The following SAE1 variants were observed in gnomAD, a reference collection of about 807,000 sequenced individuals.
The protein encoded by SAE1 is SUMO1 activating enzyme subunit 1, also known as SUMO-activating enzyme subunit 1.
Under a neutral mutation model 40.6 loss-of-function variants are expected in SAE1, and 11 were observed. The observed-to-expected ratio is 0.27, with a 90% CI of 0.17 to 0.45. The LOEUF (loss-of-function observed/expected upper bound fraction) is 0.45. Ranked by LOEUF, SAE1 falls within the 20% of genes least tolerant of loss-of-function variation. SAE1 has a pLI of 1.00. For synonymous variants in SAE1, 155 were observed against 154.3 expected (o/e 1.00, Z -0.03); for missense variants, 373 against 427.3 (o/e 0.87, Z 1.12).
intron 5 of SAE1, among the ~76,000 whole-genome samples, chr19:47,166,499 C>G (rs1207867101): frequency 6.6e-6 from 1 of 152,120 alleles, no homozygotes; most frequent in Non-Finnish European, 1.5e-5. Context: ...GCCCCAGGCC[C>G]TGAAAGTGTT....
intron 6 of SAE1, among the ~76,000 whole-genome samples, chr19:47,180,477 A>G (rs1336066300): frequency 1.3e-5 from 2 of 152,212 alleles, no homozygotes; most frequent in Non-Finnish European, 2.9e-5. Flanking sequence ...ATCAAGAATC[A>G]AAGTGCTAAA....
intron 6 of SAE1, among the ~76,000 whole-genome samples, chr19:47,182,517 GCACA>G (rs1169487701): frequency 6.6e-6 from 1 of 150,762 alleles, no homozygotes; most frequent in Non-Finnish European, 1.5e-5. Flanking sequence ...ACGCGCGCGC[GCACA>G]CCACTGCCTT....
chr19:47,197,481 A>T, intron 7 of SAE1, 104 bp downstream of exon 7: 4 of 939,656 alleles, frequency 4.3e-6, no homozygotes, highest in Non-Finnish European at 6.3e-6. Flanking sequence ...TTCAGAGAGC[A>T]CCCTGCCACA....
chr19:47,199,090 A>G (rs1286029107), intron 7 of SAE1, among the ~76,000 whole-genome samples: 1 of 150,336 alleles, frequency 6.7e-6, no homozygotes, highest in Non-Finnish European at 1.5e-5. Context: ...CCGTGTCTCA[A>G]TACATATAGC....
chr19:47,150,864 A>C (rs1479158097), intron 3 of SAE1, among the ~76,000 whole-genome samples: 1 of 152,206 alleles, frequency 6.6e-6, no homozygotes, highest in East Asian at 1.9e-4. Context: ...TCACAGTCAC[A>C]TTGACCATGT....
intron 2 of SAE1, among the ~76,000 whole-genome samples, chr19:47,146,962 A>G (rs1475590390): frequency 2.0e-5 from 3 of 152,208 alleles, no homozygotes; most frequent in Non-Finnish European, 4.4e-5. Context: ...AATCTGCACC[A>G]GAAAGAGTGA....
chr19:47,188,535 A>G (rs1477568623), intron 6 of SAE1, among the ~76,000 whole-genome samples: 2 of 152,318 alleles, frequency 1.3e-5, no homozygotes, highest in African/African-American at 2.4e-5. Context: ...CAGCAAGTGT[A>G]TCGGCTTTTC....
Position 47,199,934 on chromosome 19 carries a change from C to CT in SAE1, c.878+2570dup, listed in dbSNP as rs760362409. Among the ~76,000 whole-genome samples the CT allele has an allele frequency of 5.9e-3, 838 of 142,484 alleles. 5 individuals are homozygous for CT. The highest frequency in any genetic ancestry group is 0.016 in the African/African-American group (623 of 39,130). The allele number at this position is 142,484 out of a possible 152,430, so 93.5% of individuals were successfully genotyped here. Reference sequence around the variant, plus strand: ...ACTGCTGCCTATGTTTAGATGATGGCTTTTTTTTTTTTTGGAGACAGAGTC... The same window carrying CT: ...ACTGCTGCCTATGTTTAGATGATGGCTTTTTTTTTTTTTTGGAGACAGAGTC... On this transcript the variant is annotated intron_variant, in intron 7 of 8. Coordinates refer to ENST00000270225, the MANE Select transcript of SAE1 (RefSeq NM_005500.3).
chr19:47,164,383 G>A (rs1413341021), intron 5 of SAE1, among the ~76,000 whole-genome samples: 1 of 151,748 alleles, frequency 6.6e-6, no homozygotes, highest in Non-Finnish European at 1.5e-5. Context: ...TAGCTAGGAT[G>A]GTCTCCATCT....
intron 2 of SAE1, among the ~76,000 whole-genome samples, chr19:47,144,675 G>A (rs1296773158): frequency 6.6e-6 from 1 of 152,024 alleles, no homozygotes; most frequent in Non-Finnish European, 1.5e-5. Context: ...CTCCAGCCTT[G>A]GCAACAGAGT....
chr19:47,148,602 C>T (rs2123203890), intron 2 of SAE1, among the ~76,000 whole-genome samples: 1 of 151,738 alleles, frequency 6.6e-6, no homozygotes, highest in African/African-American at 2.4e-5. Context: ...ACTCATCTCT[C>T]CACCTCTCTG....
intron 6 of SAE1, among the ~76,000 whole-genome samples, chr19:47,173,385 C>T (rs2058447425): frequency 2.0e-5 from 3 of 152,290 alleles, no homozygotes; most frequent in Non-Finnish European, 4.4e-5. Flanking sequence ...GTCCACCCCT[C>T]CAACCCCGTA....
chr19:47,210,233 A>G lies in SAE1; in HGVS notation c.*982A>G, dbSNP rs1216647266. The G allele has an allele frequency of 6.6e-6, 1 of 152,190 alleles. No individual in the cohort carries two copies. Among genetic ancestry groups the G allele is most frequent in the African/African-American group, 2.4e-5 (1 of 41,446 alleles). The allele number at this position is 152,190 out of a possible 1,614,324, so 9.4% of individuals were successfully genotyped here. On this transcript the variant is annotated 3_prime_UTR_variant, in exon 9 of 9. Transcript: ENST00000270225. ...CCACTTCAGAAGCTTCTGAGAGGGA[A>G]TGGGATGATCCTACCAGTTGCCTTT...
intron 2 of SAE1, among the ~76,000 whole-genome samples, chr19:47,145,835 G>A (rs1030572371): frequency 1.3e-5 from 2 of 151,894 alleles, no homozygotes; most frequent in Admixed American, 1.3e-4. Context: ...GTATTATGTA[G>A]TTTACATTCA....
chr19:47,158,662 G>A lies in SAE1; in HGVS notation c.627+3449G>A, dbSNP rs564586839. 2.6e-5 allele frequency among the ~76,000 whole-genome samples: 4 copies of A among 152,344 alleles called. 1 individual carries two copies. In the East Asian group the frequency reaches 7.7e-4, roughly 29 times the overall value. The stretch of plus-strand genomic sequence containing the variant: ...AGTTGCTGTGGCTGCCCTCACTGCC[G>A]CAGCCAGCTCCTTCCATGAGTTGCA... On this transcript the variant is annotated intron_variant, in intron 5 of 8. Coordinates refer to ENST00000270225, the MANE Select transcript of SAE1 (RefSeq NM_005500.3).
At chr19:47,178,933 C>T (rs2058487080) in intron 6 of SAE1, among the ~76,000 whole-genome samples, 1 of 152,138 alleles carries the variant, frequency 6.6e-6, no homozygotes, top group Admixed American at 6.6e-5. Context: ...GTGGCTTATG[C>T]CTGTAATCCC....
In SAE1 at chr19:47,175,611, G is replaced by A. The variant is rs1297421795; in HGVS notation, c.733+5688G>A. Among the ~76,000 whole-genome samples the A allele has an allele frequency of 3.3e-5, 5 of 152,156 alleles. No homozygotes were observed. In the East Asian group the frequency reaches 9.6e-4, roughly 29 times the overall value. On this transcript the variant is annotated intron_variant, in intron 6 of 8. Transcript: ENST00000270225. ...AAATTAGCCAGGCATGGTGGCACAT[G>A]CCTGTAGTCCCAGCTACTTGGGAGG... is the stretch of plus-strand genomic sequence containing the variant.
intron 5 of SAE1, among the ~76,000 whole-genome samples, chr19:47,156,705 G>C (rs992232224): frequency 6.6e-6 from 1 of 152,140 alleles, no homozygotes; most frequent in African/African-American, 2.4e-5. Flanking sequence ...TTTTAGTAGA[G>C]ATGGGGTTCC....
At chr19:47,209,102 T>C (rs571126170) in intron 8 of SAE1, 57 bp from the exon 9 acceptor site, 21 of 1,553,992 alleles carry the variant, frequency 1.4e-5, no homozygotes, top group Middle Eastern at 1.7e-4. Context: ...AATTTTTTTT[T>C]CCCTCTATTC....
Sources: allele counts gnomAD v4.1 joint callset (sites outside exome capture counted in the v4.1 genomes callset), GRCh38; gene constraint gnomAD v4.1.1; transcripts MANE v1.5; gene names NCBI Gene and HGNC (gene_info 2026-07-23, HGNC 2026-07-21).